PXDNL: variants seen among roughly 807,000 people sequenced by gnomAD.
The protein encoded by PXDNL is peroxidasin like.
Under a neutral mutation model 150.8 loss-of-function variants are expected in PXDNL, and 145 were observed. That is an observed-to-expected ratio of 0.96 (90% CI 0.84 to 1.10). The LOEUF (loss-of-function observed/expected upper bound fraction) is 1.10, where lower values mean the gene tolerates loss of function less well. Ranked by LOEUF, PXDNL falls within the 50% of genes least tolerant of loss-of-function variation. PXDNL has a pLI of 0.00. For missense variants in PXDNL, 2,087 were observed against 1,873.9 expected (o/e 1.11, Z -2.10); for synonymous variants, 757 against 725.7 (o/e 1.04, Z -0.69).
intron 14 of PXDNL, among the ~76,000 whole-genome samples, chr8:51,423,275 C>T (rs996784768): frequency 7.9e-5 from 12 of 152,282 alleles, no homozygotes; most frequent in African/African-American, 2.4e-4. Flanking sequence ...CACATTTTGG[C>T]TATAAATACA....
intron 1 of PXDNL, among the ~76,000 whole-genome samples, chr8:51,660,946 C>T (rs1277657290): frequency 6.6e-6 from 1 of 152,142 alleles, no homozygotes; most frequent in Non-Finnish European, 1.5e-5. Context: ...ATGCCCTTTG[C>T]GACCGCCCCC....
intron 21 of PXDNL, among the ~76,000 whole-genome samples, chr8:51,334,202 A>G (rs1335150646): frequency 1.4e-5 from 2 of 145,880 alleles, no homozygotes; most frequent in African/African-American, 5.1e-5. Context: ...AAATTAAATA[A>G]CCTGCTCTTG....
chr8:51,320,580 C>T (rs1585995516), intron 22 of PXDNL: 6 of 490,502 alleles, frequency 1.2e-5, no homozygotes, highest in African/African-American at 4.0e-5. Flanking sequence ...TGGTCTCTAG[C>T]GACTGCTCAT....
intron 8 of PXDNL, among the ~76,000 whole-genome samples, chr8:51,460,178 G>A (rs1487302839): frequency 1.3e-5 from 2 of 151,074 alleles, no homozygotes; most frequent in African/African-American, 4.9e-5. Context: ...GAGCTCAGAA[G>A]TTCAAGCCTG....
At chr8:51,377,303 C>A (rs1807354265) in intron 17 of PXDNL, among the ~76,000 whole-genome samples, 1 of 152,114 alleles carries the variant, frequency 6.6e-6, no homozygotes, top group African/African-American at 2.4e-5. Flanking sequence ...CACTTTCTCG[C>A]CCATGCTGGA....
intron 20 of PXDNL, among the ~76,000 whole-genome samples, chr8:51,341,234 C>A (rs982309383): frequency 5.3e-5 from 8 of 152,112 alleles, no homozygotes; most frequent in Non-Finnish European, 1.5e-5. Flanking sequence ...GAGGTATAAC[C>A]TTGTATTTAT....
chr8:51,486,778 ATATATATATATATATATTTTTT>A (rs1328910289), intron 5 of PXDNL, among the ~76,000 whole-genome samples: 4 of 10,898 alleles, frequency 3.7e-4, no homozygotes, highest in Non-Finnish European at 8.3e-4. Flanking sequence ...ATATATATAT[ATATATATATATATATATTTTTT>A]TTTTTTTTTT....
At chr8:51,668,169 G>C (rs929030062) in intron 1 of PXDNL, among the ~76,000 whole-genome samples, 1 of 28,542 alleles carries the variant, frequency 3.5e-5, no homozygotes, top group African/African-American at 1.5e-4. Flanking sequence ...CTTCCTTCTC[G>C]CTCTCTCTTT....
chr8:51,324,035 A>C (rs1805412044), intron 21 of PXDNL, among the ~76,000 whole-genome samples: 1 of 152,170 alleles, frequency 6.6e-6, no homozygotes, highest in Non-Finnish European at 1.5e-5. Flanking sequence ...AAAAGTCTTG[A>C]TAATAAAAGG....
At chr8:51,733,681 ACCTGTAGTCCCAGCT>A (rs1340341324) in intron 1 of PXDNL, among the ~76,000 whole-genome samples, 1 of 151,502 alleles carries the variant, frequency 6.6e-6, no homozygotes, top group Non-Finnish European at 1.5e-5. Flanking sequence ...AGTGGCGGGC[ACCTGTAGTCCCAGCT>A]GCTCAGGTGG....
At chr8:51,353,917 T>C (rs193020378) in intron 19 of PXDNL, among the ~76,000 whole-genome samples, 266 of 152,274 alleles carry the variant, frequency 1.7e-3, no homozygotes, top group African/African-American at 6.2e-3. Context: ...ATGTGACCAT[T>C]ATCAATATTT....
intron 7 of PXDNL, among the ~76,000 whole-genome samples, chr8:51,473,274 A>ACACACAC (rs138310321): frequency 7.5e-6 from 1 of 133,940 alleles, no homozygotes. Flanking sequence ...GTAGAAAATA[A>ACACACAC]ACACACACAC....
At chr8:51,748,382 G>C (rs907643526) in intron 1 of PXDNL, among the ~76,000 whole-genome samples, 1 of 152,174 alleles carries the variant, frequency 6.6e-6, no homozygotes, top group Non-Finnish European at 1.5e-5. Flanking sequence ...TCATCTTTCT[G>C]TTCATTGACA....
chr8:51,677,569 A>C, intron 1 of PXDNL, among the ~76,000 whole-genome samples: 1 of 152,232 alleles, frequency 6.6e-6, no homozygotes, highest in East Asian at 1.9e-4. Context: ...AATAGAACTG[A>C]CAGCTCCTGT....
At chr8:51,666,767 T>C (rs1161389231) in intron 1 of PXDNL, among the ~76,000 whole-genome samples, 5 of 152,204 alleles carry the variant, frequency 3.3e-5, no homozygotes. Flanking sequence ...ATCACTGTCC[T>C]GATGGGCCAT....
intron 3 of PXDNL, among the ~76,000 whole-genome samples, chr8:51,574,833 T>C (rs1813016428): frequency 6.6e-6 from 1 of 151,898 alleles, no homozygotes; most frequent in African/African-American, 2.4e-5. Flanking sequence ...GAATAAAGGG[T>C]AAACCAAGAC....
At chr8:51,624,942 TTAAA>T (rs1329100784) in intron 2 of PXDNL, among the ~76,000 whole-genome samples, 1 of 152,042 alleles carries the variant, frequency 6.6e-6, no homozygotes, top group East Asian at 1.9e-4. Flanking sequence ...ATTCTAAATG[TTAAA>T]TAGTTAACAC....
At chr8:51,353,023 A>G (rs1806400453) in intron 19 of PXDNL, among the ~76,000 whole-genome samples, 1 of 152,174 alleles carries the variant, frequency 6.6e-6, no homozygotes, top group African/African-American at 2.4e-5. Flanking sequence ...GTATACAACT[A>G]AAAAGCATTC....
chr8:51,491,585 G>A (rs1810896346), intron 5 of PXDNL, among the ~76,000 whole-genome samples: 1 of 152,132 alleles, frequency 6.6e-6, no homozygotes. Context: ...CTTCTATAAA[G>A]GCAAACCCCA....
Sources: gnomAD v4.1 joint callset for allele counts (sites outside exome capture counted in the v4.1 genomes callset) on GRCh38, gnomAD v4.1.1 for gene constraint, MANE v1.5 for transcripts, NCBI Gene and HGNC (gene_info 2026-07-23, HGNC 2026-07-21) for gene names.